The following ITGBL1 variants were observed in gnomAD, a reference collection of about 807,000 sequenced individuals.
ITGBL1 encodes the protein integrin subunit beta like 1, also known as integrin beta-like protein 1.
Under a neutral mutation model 68.5 loss-of-function variants are expected in ITGBL1, and 51 were observed. The ratio of observed to expected loss-of-function variants is 0.74; its 90% CI spans 0.59 to 0.94. The LOEUF is 0.94. ITGBL1 is among the 40% of genes least tolerant of loss of function. The pLI is 0.00. For synonymous variants in ITGBL1, 209 were observed against 227.3 expected (o/e 0.92, Z 0.72); for missense variants, 649 against 647.4 (o/e 1.00, Z -0.03).
intron 7 of ITGBL1, among the ~76,000 whole-genome samples, chr13:101,626,407 A>T (rs148408315): frequency 6.6e-6 from 1 of 152,186 alleles, no homozygotes; most frequent in Non-Finnish European, 1.5e-5. Flanking sequence ...GTGAATAACA[A>T]TTTTCTCCGA....
chr13:101,631,816 A>C (rs1035422907), intron 7 of ITGBL1, among the ~76,000 whole-genome samples: 3 of 152,200 alleles, frequency 2.0e-5, no homozygotes, highest in Non-Finnish European at 4.4e-5. Flanking sequence ...GCTAGTTGCC[A>C]AGGCAAGTTA....
At chr13:101,537,419 T>A (rs1258437372) in intron 2 of ITGBL1, among the ~76,000 whole-genome samples, 1 of 152,040 alleles carries the variant, frequency 6.6e-6, no homozygotes, top group Non-Finnish European at 1.5e-5. Flanking sequence ...AAATATAACA[T>A]TTCAAAGGAA....
At chr13:101,551,921 C>G (rs2049927589) in intron 2 of ITGBL1, among the ~76,000 whole-genome samples, 1 of 152,014 alleles carries the variant, frequency 6.6e-6, no homozygotes, top group South Asian at 2.1e-4. Flanking sequence ...GGTGATATAG[C>G]CCATGGGTCA....
chr13:101,464,184 C>T (rs984357716), intron 2 of ITGBL1, among the ~76,000 whole-genome samples: 11 of 152,154 alleles, frequency 7.2e-5, no homozygotes, highest in South Asian at 2.1e-4. Context: ...CAGGCATGAG[C>T]CACCACGCCT....
At chr13:101,689,333 G>T (rs2033831862) in intron 7 of ITGBL1, among the ~76,000 whole-genome samples, 1 of 151,818 alleles carries the variant, frequency 6.6e-6, no homozygotes, top group Non-Finnish European at 1.5e-5. Context: ...GTTTTCCTTG[G>T]ACCTTGAAGA....
chr13:101,519,404 A>G lies in ITGBL1; in HGVS notation c.317-48295A>G, dbSNP rs532543714. On this transcript the variant is annotated intron_variant, in intron 2 of 10. Coordinates refer to ENST00000376180, the MANE Select transcript of ITGBL1 (RefSeq NM_004791.3). ...TAAAATCTTAATTAGGTTAAATCTA[A>G]GTAGTCATATGTGGCTATTGGCTAC... Among the ~76,000 whole-genome samples, 3 of 152,250 alleles carry G rather than the reference A, an allele frequency of 2.0e-5. No homozygotes were observed. In the South Asian group the frequency reaches 6.2e-4, roughly 32 times the overall value.
chr13:101,553,351 C>T (rs1412886211), intron 2 of ITGBL1, among the ~76,000 whole-genome samples: 4 of 152,146 alleles, frequency 2.6e-5, no homozygotes, highest in African/African-American at 9.7e-5. Flanking sequence ...ATGTAAATTT[C>T]AACCCTCATT....
intron 7 of ITGBL1, among the ~76,000 whole-genome samples, chr13:101,656,064 G>A (rs2032912758): frequency 1.3e-5 from 2 of 152,042 alleles, no homozygotes; most frequent in Admixed American, 1.3e-4. Flanking sequence ...TGGGGGAGGG[G>A]GGCTTCCTCG....
Position 101,621,555 on chromosome 13 carries a change from C to A in ITGBL1, c.1015+23256C>A, listed in dbSNP as rs185246304. ...CTAACCCACCCAGATTGCTGCTAAG[C>A]CTAACATGAGCTTTGCATAGCCATT... On this transcript the variant is annotated intron_variant, in intron 7 of 10. Transcript: ENST00000376180. Among the ~76,000 whole-genome samples, 13 of 152,200 alleles carry A rather than the reference C, an allele frequency of 8.5e-5. No individual in the cohort carries two copies. In the East Asian group the frequency reaches 2.5e-3, roughly 29 times the overall value.
intron 2 of ITGBL1, among the ~76,000 whole-genome samples, chr13:101,513,254 C>T (rs753897219): frequency 1.1e-4 from 16 of 151,966 alleles, no homozygotes; most frequent in Non-Finnish European, 2.4e-4. Flanking sequence ...AGTGTTGCCC[C>T]CATAGTATGT....
intron 7 of ITGBL1, among the ~76,000 whole-genome samples, chr13:101,626,430 A>T (rs74120603): frequency 0.22 from 33,363 of 152,158 alleles, 4,312 homozygotes; most frequent in East Asian, 0.46. Context: ...TAAGCAGCTT[A>T]CCTTAGAAGT....
In ITGBL1 at chr13:101,495,628, T is replaced by A. The variant is rs569965088; in HGVS notation, c.316+41528T>A. ...GGTAACTAGCAAAAGGGATTTTTTT[T>A]AAGTAAATGATTTTTGGTACACTTC... On this transcript the variant is annotated intron_variant, in intron 2 of 10. Coordinates refer to ENST00000376180, the MANE Select transcript of ITGBL1 (RefSeq NM_004791.3). 8.8e-3 allele frequency among the ~76,000 whole-genome samples: 1,338 copies of A among 151,960 alleles called. 22 individuals carry two copies. The highest frequency in any genetic ancestry group is 0.031 in the African/African-American group (1,280 of 41,314).
intron 7 of ITGBL1, among the ~76,000 whole-genome samples, chr13:101,660,251 T>C (rs1049911033): frequency 9.9e-5 from 15 of 152,060 alleles, no homozygotes; most frequent in African/African-American, 3.4e-4. Context: ...TTTTCAAAGA[T>C]AGTTTGGTGG....
intron 2 of ITGBL1, among the ~76,000 whole-genome samples, chr13:101,539,845 G>A (rs1159671426): frequency 6.6e-6 from 1 of 152,072 alleles, no homozygotes; most frequent in East Asian, 1.9e-4. Flanking sequence ...CTGCATAAAT[G>A]TCTTCTTTTG....
chr13:101,712,046 A>T (rs2034493655), intron 9 of ITGBL1: 1 of 152,192 alleles, frequency 6.6e-6, no homozygotes, highest in African/African-American at 2.4e-5. Flanking sequence ...AGAGAGGCAC[A>T]ATTTGACCCA....
At chr13:101,474,037 G>T (rs1306867488) in intron 2 of ITGBL1, among the ~76,000 whole-genome samples, 1 of 152,182 alleles carries the variant, frequency 6.6e-6, no homozygotes, top group East Asian at 1.9e-4. Context: ...CATGGAGAGA[G>T]ATTTCTTTTG....
At chr13:101,512,793 A>T (rs1037162577) in intron 2 of ITGBL1, among the ~76,000 whole-genome samples, 4 of 152,136 alleles carry the variant, frequency 2.6e-5, no homozygotes. Flanking sequence ...AGCCTCCCCC[A>T]GGTCCTGCAT....
intron 7 of ITGBL1, among the ~76,000 whole-genome samples, chr13:101,681,265 AT>A (rs1241368514): frequency 2.0e-5 from 3 of 152,012 alleles, no homozygotes; most frequent in Non-Finnish European, 4.4e-5. Flanking sequence ...GAAGAAACGT[AT>A]GTGTATGTGT....
chr13:101,610,879 G>A (rs1381712731), intron 7 of ITGBL1, among the ~76,000 whole-genome samples: 1 of 152,192 alleles, frequency 6.6e-6, no homozygotes, highest in Non-Finnish European at 1.5e-5. Context: ...ATGGCTTCAT[G>A]AAATGAGTGA....
Sources: allele counts gnomAD v4.1 joint callset (sites outside exome capture counted in the v4.1 genomes callset), GRCh38; gene constraint gnomAD v4.1.1; transcripts MANE v1.5; gene names NCBI Gene and HGNC (gene_info 2026-07-23, HGNC 2026-07-21).